Variants in SLAMF9 observed in about 807,000 individuals in gnomAD.
The protein encoded by SLAMF9 is SLAM family member 9, also known as CD2 family member 10.
SLAMF9 carries 25 observed loss-of-function variants against 30.4 expected under a neutral mutation model. The observed-to-expected ratio is 0.82, with a 90% CI of 0.60 to 1.15. SLAMF9 has a LOEUF of 1.15. SLAMF9 is among the 50% of genes most tolerant of loss of function. SLAMF9 has a pLI of 0.00. For synonymous variants in SLAMF9, 129 were observed against 127.2 expected, an observed-to-expected ratio of 1.01 and a Z score of -0.09; for missense variants, 344 against 346.1, an observed-to-expected ratio of 0.99 and a Z score of 0.05.
At chr1:159,980,282 G>A in the SLAMF9 span, among the ~76,000 whole-genome samples, 1 of 152,120 alleles carries the variant, frequency 6.6e-6, no homozygotes, top group East Asian at 1.9e-4. Flanking sequence ...ATCTGGCTTG[G>A]TGCCCATCCT....
At chr1:159,967,086 T>C in the SLAMF9 span, among the ~76,000 whole-genome samples, 1 of 152,212 alleles carries the variant, frequency 6.6e-6, no homozygotes, top group African/African-American at 2.4e-5. Flanking sequence ...TTTCCCCTTA[T>C]GCTTTCTTCT....
At chr1:159,960,030 T>TATA in the SLAMF9 span, among the ~76,000 whole-genome samples, 1 of 150,184 alleles carries the variant, frequency 6.7e-6, no homozygotes, top group Non-Finnish European at 1.5e-5. Flanking sequence ...ATATATATAT[T>TATA]ATACTTTAAG....
chr1:159,974,307 C>T, the SLAMF9 span, among the ~76,000 whole-genome samples: 1 of 152,154 alleles, frequency 6.6e-6, no homozygotes, highest in East Asian at 1.9e-4. Context: ...CTATCCTTTC[C>T]CTTTTCTTCT....
upstream of SLAMF9, among the ~76,000 whole-genome samples, chr1:159,956,343 G>A (rs142986633): frequency 1.3e-5 from 2 of 152,236 alleles, no homozygotes; most frequent in Non-Finnish European, 2.9e-5. Flanking sequence ...GGTGATGCAT[G>A]CCTGTAATCC....
At chr1:159,967,053 T>C in the SLAMF9 span, among the ~76,000 whole-genome samples, 292 of 152,328 alleles carry the variant, frequency 1.9e-3, 1 homozygote, top group Non-Finnish European at 3.0e-3. Flanking sequence ...AAAAAATTCT[T>C]GTCCAAACCA....
At chr1:159,974,152 T>C in the SLAMF9 span, 1 of 961,098 alleles carries the variant, frequency 1.0e-6, no homozygotes, top group Non-Finnish European at 1.6e-6. Context: ...AGGCCTCTGC[T>C]GGGGATGGAG....
At chr1:159,969,247 T>C in the SLAMF9 span, among the ~76,000 whole-genome samples, 1 of 138,498 alleles carries the variant, frequency 7.2e-6, no homozygotes, top group Admixed American at 7.2e-5. Context: ...TTGCTGACTG[T>C]GGATAGCTGC....
the SLAMF9 span, among the ~76,000 whole-genome samples, chr1:159,982,552 T>C: frequency 6.6e-6 from 1 of 152,224 alleles, no homozygotes; most frequent in Admixed American, 6.5e-5. Context: ...CTTTGTGCTA[T>C]TTTTAGCACT....
upstream of SLAMF9, among the ~76,000 whole-genome samples, chr1:159,954,424 A>G (rs753384533): frequency 3.9e-5 from 6 of 152,070 alleles, no homozygotes; most frequent in Non-Finnish European, 5.9e-5. Flanking sequence ...CACTTCCTAA[A>G]TGAAGTCTTT....
chr1:159,964,942 C>T, the SLAMF9 span, among the ~76,000 whole-genome samples: 2 of 152,294 alleles, frequency 1.3e-5, no homozygotes, highest in South Asian at 2.1e-4. Context: ...GGTCTGCACA[C>T]GATGCCATTT....
intron 1 of SLAMF9, 87 bp downstream of exon 1, chr1:159,954,001 TAAGA>T: frequency 6.6e-7 from 1 of 1,520,038 alleles, no homozygotes; most frequent in Non-Finnish European, 9.1e-7. Context: ...ATTCAACCCC[TAAGA>T]AAGGGTCTTA....
At chr1:159,969,871 T>C in the SLAMF9 span, among the ~76,000 whole-genome samples, 1 of 152,054 alleles carries the variant, frequency 6.6e-6, no homozygotes, top group Non-Finnish European at 1.5e-5. Context: ...GGCAAAACAC[T>C]GTCTCTACCC....
At chr1:159,982,011 G>A in the SLAMF9 span, among the ~76,000 whole-genome samples, 34 of 152,338 alleles carry the variant, frequency 2.2e-4, no homozygotes, top group East Asian at 6.6e-3. Flanking sequence ...ATCCTTCACA[G>A]GTGTGGTGTT....
In SLAMF9 at chr1:159,951,831, A is replaced by G; in HGVS notation, c.700T>C (p.Phe234Leu). The stretch of plus-strand genomic sequence containing the variant: ...AGCAATCCCTTGGCCAGGAGGCAGA[A>G]GGCTGTTGAAGGCTTCTCAGAAGCA... ...NYASEKPSTAFCLLAKGLLIF... is the reference protein window; with the variant it reads ...NYASEKPSTALCLLAKGLLIF... The change falls in exon 4 of 4, where the codon TTC (phenylalanine) becomes CTC (leucine). Residue 234 changes from phenylalanine (F) to leucine (L), a missense_variant. Physicochemically the swap from Phe to Leu is conservative, Grantham distance 22 (BLOSUM62 0). Coordinates refer to ENST00000368093, the MANE Select transcript of SLAMF9 (RefSeq NM_033438.4). The G allele has an allele frequency of 6.2e-7, 1 of 1,614,178 alleles. No individual in the cohort carries two copies. Among genetic ancestry groups the G allele is most frequent in the South Asian group, 1.1e-5 (1 of 91,072 alleles).
the SLAMF9 span, among the ~76,000 whole-genome samples, chr1:159,980,871 T>A: frequency 7.2e-5 from 11 of 152,240 alleles, no homozygotes; most frequent in Admixed American, 3.9e-4. Flanking sequence ...ATGCTTTCCC[T>A]GCTCTCTTCC....
At chr1:159,966,941 GTTTGTT>G in the SLAMF9 span, among the ~76,000 whole-genome samples, 23 of 151,508 alleles carry the variant, frequency 1.5e-4, 1 homozygote, top group Admixed American at 6.6e-4. Flanking sequence ...TTGTTTTTTT[GTTTGTT>G]TTTGTTTTTG....
chr1:159,952,881 T>C (rs971410078), intron 2 of SLAMF9, among the ~76,000 whole-genome samples: 4 of 152,228 alleles, frequency 2.6e-5, no homozygotes, highest in Admixed American at 2.6e-4. Flanking sequence ...CAGTGTCCCT[T>C]CAAGCTTCAA....
chr1:159,973,923 T>C, the SLAMF9 span: 1 of 1,612,460 alleles, frequency 6.2e-7, no homozygotes, highest in Admixed American at 1.7e-5. Context: ...CAGAGTCTGG[T>C]TTTCCTTAGA....
At chr1:159,974,148 C>CCA in the SLAMF9 span, 2 of 1,006,892 alleles carry the variant, frequency 2.0e-6, no homozygotes, top group Non-Finnish European at 3.0e-6. Flanking sequence ...CCTAAGGCCT[C>CCA]TGCTGGGGAT....
Sources: allele counts gnomAD v4.1 joint callset (sites outside exome capture counted in the v4.1 genomes callset), GRCh38; gene constraint gnomAD v4.1.1; transcripts MANE v1.5; gene names NCBI Gene and HGNC (gene_info 2026-07-23, HGNC 2026-07-21).